The following PDE11A variants were observed in gnomAD, a reference collection of about 807,000 sequenced individuals.
The protein encoded by PDE11A is phosphodiesterase 11A, also known as dual 3',5'-cyclic-AMP and -GMP phosphodiesterase 11A.
PDE11A carries 100 observed loss-of-function variants against 100.5 expected under a neutral mutation model. The ratio of observed to expected loss-of-function variants is 1.00; its 90% CI spans 0.85 to 1.18. PDE11A has a LOEUF of 1.18. Among genes scored for constraint, PDE11A ranks in the 50% most tolerant of loss-of-function variants. The pLI, the probability that PDE11A is intolerant of heterozygous loss-of-function variation, is 0.00. For synonymous variants in PDE11A, 381 were observed against 420.8 expected, an observed-to-expected ratio of 0.91 and a Z score of 1.16; for missense variants, 1,141 against 1,152.6, an observed-to-expected ratio of 0.99 and a Z score of 0.15.
chr2:177,943,498 C>T (rs2695106), intron 2 of PDE11A, among the ~76,000 whole-genome samples: 148,410 of 152,348 alleles, frequency 0.97, 72,391 homozygotes, highest in Middle Eastern at 1. Flanking sequence ...GAGCATCTTT[C>T]CACATATGCT....
rs1334833213 is a variant in PDE11A, at chr2:177,728,009, C to T, written c.1935+17G>A. On this transcript the variant is annotated intron_variant, in intron 11 of 19. Coordinates refer to ENST00000286063, the MANE Select transcript of PDE11A (RefSeq NM_016953.4). ...TCCCAGGTGAACTGCTTGGATCACCCAAGACAGACATCTTACCTCATAGTC... is the reference window on the plus strand; with the variant it reads ...TCCCAGGTGAACTGCTTGGATCACCTAAGACAGACATCTTACCTCATAGTC... The T allele has an allele frequency of 6.2e-7, 1 of 1,610,312 alleles. No individual in the cohort carries two copies. The highest frequency in any genetic ancestry group is 8.5e-7 in the Non-Finnish European group (1 of 1,176,994).
chr2:177,988,011 T>A (rs1305636037), intron 2 of PDE11A, among the ~76,000 whole-genome samples: 3 of 152,198 alleles, frequency 2.0e-5, no homozygotes, highest in African/African-American at 4.8e-5. Context: ...GAGAAGTCAC[T>A]GAGTACCACC....
intron 4 of PDE11A, among the ~76,000 whole-genome samples, chr2:177,883,412 T>C (rs986000977): frequency 4.6e-5 from 7 of 152,242 alleles, no homozygotes; most frequent in African/African-American, 1.4e-4. Flanking sequence ...AGCACTGCTA[T>C]AGGCTCTATA....
At chr2:177,748,155 TC>T (rs1419556704) in intron 10 of PDE11A, among the ~76,000 whole-genome samples, 1 of 152,134 alleles carries the variant, frequency 6.6e-6, no homozygotes, top group African/African-American at 2.4e-5. Flanking sequence ...CCAAGAAAGC[TC>T]CAGCACATGG....
At chr2:177,630,402 G>T (rs2079900757) in intron 19 of PDE11A, among the ~76,000 whole-genome samples, 1 of 152,200 alleles carries the variant, frequency 6.6e-6, no homozygotes, top group Admixed American at 6.5e-5. Flanking sequence ...AGCCCTAAAA[G>T]TAAGATGGCT....
intron 6 of PDE11A, among the ~76,000 whole-genome samples, chr2:177,825,113 C>T (rs2083207880): frequency 6.6e-6 from 1 of 152,034 alleles, no homozygotes; most frequent in African/African-American, 2.4e-5. Flanking sequence ...CTGAATTTAG[C>T]AACATAGTGG....
intron 2 of PDE11A, among the ~76,000 whole-genome samples, chr2:177,971,799 A>G (rs115859771): frequency 1.9e-3 from 283 of 152,302 alleles, no homozygotes; most frequent in African/African-American, 5.8e-3. Context: ...CTTATTACAG[A>G]GCTGGTGGGA....
chr2:177,916,328 G>C (rs2084952909), intron 2 of PDE11A, among the ~76,000 whole-genome samples: 1 of 152,190 alleles, frequency 6.6e-6, no homozygotes, highest in African/African-American at 2.4e-5. Context: ...ATTTAAGGCA[G>C]CTGAGAAGTC....
chr2:178,077,075 C>A (rs1210535299), upstream of PDE11A, among the ~76,000 whole-genome samples: 1 of 152,060 alleles, frequency 6.6e-6, no homozygotes, highest in Non-Finnish European at 1.5e-5. Flanking sequence ...GCCTATCAAG[C>A]CTATATAATA....
intron 2 of PDE11A, among the ~76,000 whole-genome samples, chr2:177,938,486 C>T (rs1283885827): frequency 2.0e-5 from 3 of 152,228 alleles, no homozygotes; most frequent in Non-Finnish European, 4.4e-5. Flanking sequence ...TTAGTGAGAA[C>T]CATCCTCCTC....
chr2:178,098,076 G>A (rs935866853), intron 2 of PDE11A, among the ~76,000 whole-genome samples: 11 of 152,096 alleles, frequency 7.2e-5, no homozygotes, highest in African/African-American at 2.7e-4. Flanking sequence ...AAAAAACCAA[G>A]TAACTCATAA....
At chr2:177,693,104 A>G (rs978534322) in intron 15 of PDE11A, among the ~76,000 whole-genome samples, 2 of 152,160 alleles carry the variant, frequency 1.3e-5, no homozygotes, top group Non-Finnish European at 2.9e-5. Flanking sequence ...AATAATCCAG[A>G]CTTCCAGAAA....
chr2:177,651,348 A>C (rs943534598), intron 19 of PDE11A, among the ~76,000 whole-genome samples: 2 of 152,202 alleles, frequency 1.3e-5, no homozygotes, highest in African/African-American at 4.8e-5. Flanking sequence ...TTTTCCACAT[A>C]CTTCACCTCC....
intron 4 of PDE11A, among the ~76,000 whole-genome samples, chr2:177,892,233 TC>T (rs1340260838): frequency 1.3e-5 from 2 of 152,222 alleles, no homozygotes; most frequent in Non-Finnish European, 2.9e-5. Context: ...TTTATATGAA[TC>T]ATAATTTTGC....
chr2:177,729,752 C>A lies in PDE11A; in HGVS notation c.1789-1580G>T, dbSNP rs145312067. ...CCCTCCAACTGAGTTTTTGTAGAAT[C>A]TTTTTGCTTCAAGAGTTCTGAAATG... On this transcript the variant is annotated intron_variant, in intron 10 of 19. Coordinates refer to ENST00000286063, the MANE Select transcript of PDE11A (RefSeq NM_016953.4). Among the ~76,000 whole-genome samples the A allele has an allele frequency of 3.5e-3, 528 of 152,250 alleles. 5 individuals are homozygous for A. The highest frequency in any genetic ancestry group is 0.011 in the African/African-American group (455 of 41,554).
At chr2:177,689,332 T>C (rs1389979967) in intron 15 of PDE11A, among the ~76,000 whole-genome samples, 1 of 152,200 alleles carries the variant, frequency 6.6e-6, no homozygotes, top group Admixed American at 6.5e-5. Flanking sequence ...TCCACCTGCC[T>C]TGTTCTCCCA....
At chr2:178,098,047 T>C (rs560451681) in intron 2 of PDE11A, among the ~76,000 whole-genome samples, 1 of 151,994 alleles carries the variant, frequency 6.6e-6, no homozygotes, top group East Asian at 1.9e-4. Flanking sequence ...TACTGAAACA[T>C]AGGGGGAAAA....
intron 1 of PDE11A, among the ~76,000 whole-genome samples, chr2:178,036,346 A>G (rs2086613709): frequency 6.6e-6 from 1 of 152,202 alleles, no homozygotes; most frequent in Non-Finnish European, 1.5e-5. Context: ...AAGGAGAACT[A>G]CAAACCACTG....
chr2:177,968,571 AAGC>A (rs1220115599), intron 2 of PDE11A, among the ~76,000 whole-genome samples: 1 of 152,238 alleles, frequency 6.6e-6, no homozygotes, highest in East Asian at 1.9e-4. Context: ...CTATTTTAAA[AAGC>A]AAACAATTCA....
Sources: allele counts gnomAD v4.1 joint callset (sites outside exome capture counted in the v4.1 genomes callset), GRCh38; gene constraint gnomAD v4.1.1; transcripts MANE v1.5; gene names NCBI Gene and HGNC (gene_info 2026-07-23, HGNC 2026-07-21).